OR1J2: variants seen among roughly 807,000 people sequenced by gnomAD.
OR1J2 encodes olfactory receptor family 1 subfamily J member 2, also known as olfactory receptor 1J2.
For synonymous variants in OR1J2, 142 were observed against 99.7 expected (o/e 1.42, Z -2.52); for missense variants, 304 against 246.1 (o/e 1.24, Z -1.57).
the OR1J2 span, among the ~76,000 whole-genome samples, chr9:122,538,958 C>G: frequency 6.6e-6 from 1 of 151,864 alleles, no homozygotes; most frequent in Non-Finnish European, 1.5e-5. Context: ...ACTAGAAGCC[C>G]AAAGTTCAAC....
the OR1J2 span, chr9:122,476,909 T>C: frequency 2.5e-6 from 2 of 800,466 alleles, no homozygotes; most frequent in East Asian, 2.4e-5. Flanking sequence ...GGTTTCGCCA[T>C]GTTGGCCAGG....
At chr9:122,538,929 C>G in the OR1J2 span, among the ~76,000 whole-genome samples, 1 of 152,062 alleles carries the variant, frequency 6.6e-6, no homozygotes, top group Non-Finnish European at 1.5e-5. Flanking sequence ...ACAATGTTCA[C>G]TATTTGGATG....
chr9:122,579,581 G>A, the OR1J2 span, among the ~76,000 whole-genome samples: 2 of 152,106 alleles, frequency 1.3e-5, no homozygotes, highest in African/African-American at 4.8e-5. Flanking sequence ...AGAATACTAA[G>A]TACTTCAAAA....
the OR1J2 span, among the ~76,000 whole-genome samples, chr9:122,540,427 G>A: frequency 7.2e-5 from 11 of 152,170 alleles, no homozygotes; most frequent in Admixed American, 6.5e-4. Flanking sequence ...GATAGTTGTA[G>A]ATATGCGGCA....
chr9:122,487,643 G>A, the OR1J2 span, among the ~76,000 whole-genome samples: 8 of 152,168 alleles, frequency 5.3e-5, no homozygotes, highest in Non-Finnish European at 7.3e-5. Context: ...CAACCCTGAA[G>A]TGGAGAAGAG....
chr9:122,567,715 T>G, the OR1J2 span: 1 of 1,614,026 alleles, frequency 6.2e-7, no homozygotes, highest in East Asian at 2.2e-5. Flanking sequence ...CAGAAGATGC[T>G]TCCATAAAAG....
Sources: allele counts gnomAD v4.1 joint callset (sites outside exome capture counted in the v4.1 genomes callset), GRCh38; gene constraint gnomAD v4.1.1; transcripts MANE v1.5; gene names NCBI Gene and HGNC (gene_info 2026-07-23, HGNC 2026-07-21).